ARHGAP15: variants seen among roughly 807,000 people sequenced by gnomAD.
ARHGAP15 encodes the protein Rho GTPase activating protein 15.
ARHGAP15 carries 51 observed loss-of-function variants against 63.7 expected under a neutral mutation model. The ratio of observed to expected loss-of-function variants is 0.80; its 90% confidence interval spans 0.64 to 1.01. The LOEUF is 1.01. ARHGAP15 is among the 50% of genes least tolerant of loss of function. The pLI is 0.00. For synonymous variants in ARHGAP15, 191 were observed against 193.8 expected (o/e 0.99, Z 0.12); for missense variants, 560 against 564.6 (o/e 0.99, Z 0.08).
chr2:143,315,341 T>C (rs1003351172), intron 6 of ARHGAP15, among the ~76,000 whole-genome samples: 7 of 152,206 alleles, frequency 4.6e-5, no homozygotes, highest in African/African-American at 1.7e-4. Flanking sequence ...AGCTTTCATT[T>C]AAAAAATTTA....
At chr2:143,160,087 G>A (rs1461730511) in intron 2 of ARHGAP15, among the ~76,000 whole-genome samples, 6 of 151,746 alleles carry the variant, frequency 4.0e-5, no homozygotes, top group Admixed American at 3.3e-4. Flanking sequence ...TGTAGATAAC[G>A]GGTCTTCTTG....
At chr2:143,526,239 G>A (rs1345991545) in intron 10 of ARHGAP15, among the ~76,000 whole-genome samples, 5 of 152,038 alleles carry the variant, frequency 3.3e-5, no homozygotes, top group South Asian at 2.1e-4. Context: ...AGGAATAAAC[G>A]TGCAGTTCAA....
rs869099523 is a variant in ARHGAP15, at chr2:143,673,748, G to GTATATA, written c.1139-29670_1139-29669insATATAT. ...TGTGTGTGTGTGTGTGTGTGTGTGT[G>GTATATA]TGTGTGTGTGTATATATATATATAT... is the stretch of plus-strand genomic sequence containing the variant. On this transcript the variant is annotated intron_variant, in intron 12 of 13. Coordinates refer to ENST00000295095, the MANE Select transcript of ARHGAP15 (RefSeq NM_018460.4). 6.1e-3 allele frequency among the ~76,000 whole-genome samples: 209 copies of GTATATA among 34,044 alleles called. 4 individuals are homozygous for GTATATA. Among genetic ancestry groups the GTATATA allele is most frequent in the Non-Finnish European group, 0.012 (154 of 12,618 alleles). The allele number at this position is 34,044 out of a possible 152,430, so 22.3% of individuals were successfully genotyped here.
rs1022440349 is a variant in ARHGAP15, at chr2:143,661,703, G to A, written c.1138+37436G>A. On this transcript the variant is annotated intron_variant, in intron 12 of 13. Transcript: ENST00000295095. ...AGGGAGTGCCAGACAGTGGGCACAGGTCAGTGGGTGCGCACACCGTGCGTG... is the reference window on the plus strand; with the variant it reads ...AGGGAGTGCCAGACAGTGGGCACAGATCAGTGGGTGCGCACACCGTGCGTG... Among the ~76,000 whole-genome samples the A allele has an allele frequency of 2.0e-5, 3 of 152,306 alleles. No homozygotes were observed. The East Asian group carries it at 5.8e-4, about 30-fold the overall frequency.
At chr2:143,505,447 C>T (rs1693266765) in intron 9 of ARHGAP15, among the ~76,000 whole-genome samples, 1 of 152,186 alleles carries the variant, frequency 6.6e-6, no homozygotes, top group Non-Finnish European at 1.5e-5. Flanking sequence ...TCACTTTCTG[C>T]AGTAGAAACT....
At chr2:143,674,334 T>C (rs1682718596) in intron 12 of ARHGAP15, among the ~76,000 whole-genome samples, 1 of 152,080 alleles carries the variant, frequency 6.6e-6, no homozygotes, top group Non-Finnish European at 1.5e-5. Context: ...TATGGATGAA[T>C]CGTTAAAATT....
intron 8 of ARHGAP15, among the ~76,000 whole-genome samples, chr2:143,445,383 G>A (rs1165439799): frequency 1.3e-5 from 2 of 151,884 alleles, no homozygotes; most frequent in East Asian, 1.9e-4. Context: ...GGCAGGTATC[G>A]ACCTCCTGAC....
At chr2:143,678,230 AAGAG>A (rs943952702) in intron 12 of ARHGAP15, among the ~76,000 whole-genome samples, 3 of 152,170 alleles carry the variant, frequency 2.0e-5, no homozygotes, top group Non-Finnish European at 2.9e-5. Flanking sequence ...AAAGGAAAGA[AAGAG>A]AGAAGAACCA....
At chr2:143,167,374 C>A (rs547701721) in intron 2 of ARHGAP15, among the ~76,000 whole-genome samples, 2 of 152,162 alleles carry the variant, frequency 1.3e-5, no homozygotes, top group South Asian at 4.1e-4. Flanking sequence ...TTACATTAAC[C>A]AGGAGACAAA....
At chr2:143,524,795 G>A (rs1453253355) in intron 10 of ARHGAP15, among the ~76,000 whole-genome samples, 4 of 152,146 alleles carry the variant, frequency 2.6e-5, no homozygotes, top group Non-Finnish European at 4.4e-5. Context: ...GTAAAACTTG[G>A]CATGTAAATA....
intron 13 of ARHGAP15, among the ~76,000 whole-genome samples, chr2:143,734,745 A>C (rs757107957): frequency 1.3e-5 from 2 of 152,224 alleles, no homozygotes; most frequent in East Asian, 1.9e-4. Context: ...CTATTTTAGC[A>C]GTTCTTGATT....
intron 12 of ARHGAP15, among the ~76,000 whole-genome samples, chr2:143,626,474 G>A (rs1020989433): frequency 1.3e-5 from 2 of 152,066 alleles, no homozygotes; most frequent in South Asian, 4.1e-4. Context: ...TCTTTAAGAT[G>A]GCACAGACCC....
At chr2:143,400,774 A>G (rs767224666) in intron 6 of ARHGAP15, among the ~76,000 whole-genome samples, 11 of 152,086 alleles carry the variant, frequency 7.2e-5, no homozygotes, top group Non-Finnish European at 1.6e-4. Context: ...CATATAGTAG[A>G]GAAAATTGCA....
chr2:143,363,071 A>T (rs1686132700), intron 6 of ARHGAP15, among the ~76,000 whole-genome samples: 1 of 152,204 alleles, frequency 6.6e-6, no homozygotes, highest in South Asian at 2.1e-4. Flanking sequence ...AAAATCTGCC[A>T]TCTAATCCTG....
At chr2:143,531,629 AACT>A (rs1433442375) in intron 10 of ARHGAP15, among the ~76,000 whole-genome samples, 1 of 152,232 alleles carries the variant, frequency 6.6e-6, no homozygotes, top group Non-Finnish European at 1.5e-5. Context: ...CTAACCTGCT[AACT>A]TGAAGGTAAG....
Position 143,228,564 on chromosome 2 carries a change from TA to T in ARHGAP15, c.297-16del. ...AACTGATAATGCTTTCTTTCCCTTT[TA>T]TTTTTTTGTCCTAAGGAAAAACTGG... On this transcript the variant is annotated splice_polypyrimidine_tract_variant and intron_variant, in intron 4 of 13. Transcript: ENST00000295095. 6.4e-7 allele frequency: 1 copy of T among 1,561,278 alleles called. No homozygotes were observed. Among genetic ancestry groups the T allele is most frequent in the Non-Finnish European group, 8.8e-7 (1 of 1,139,382 alleles).
intron 4 of ARHGAP15, among the ~76,000 whole-genome samples, chr2:143,221,712 C>T (rs1451841313): frequency 6.6e-6 from 1 of 152,196 alleles, no homozygotes; most frequent in Admixed American, 6.5e-5. Flanking sequence ...CCGTCATCAG[C>T]TCCTGTGTGG....
At chr2:143,338,887 A>G (rs1164648037) in intron 6 of ARHGAP15, among the ~76,000 whole-genome samples, 1 of 152,162 alleles carries the variant, frequency 6.6e-6, no homozygotes, top group Non-Finnish European at 1.5e-5. Flanking sequence ...TAAAATTAGA[A>G]CTAATAGTAC....
intron 1 of ARHGAP15, among the ~76,000 whole-genome samples, chr2:143,144,209 G>T (rs1015950085): frequency 2.0e-5 from 3 of 151,988 alleles, no homozygotes; most frequent in African/African-American, 7.2e-5. Flanking sequence ...ACTGTGAATA[G>T]TTGCCTCAAT....
Sources: allele counts gnomAD v4.1 joint callset (sites outside exome capture counted in the v4.1 genomes callset), GRCh38; gene constraint gnomAD v4.1.1; transcripts MANE v1.5; gene names NCBI Gene and HGNC (gene_info 2026-07-23, HGNC 2026-07-21).